RRAD: variants seen among roughly 807,000 people sequenced by gnomAD.
RRAD encodes GTP-binding protein RAD.
RRAD carries 15 observed loss-of-function variants against 24.7 expected under a neutral mutation model. That is an observed-to-expected ratio of 0.61 (90% confidence interval 0.41 to 0.93). RRAD has a LOEUF of 0.93. RRAD is among the 40% of genes least tolerant of loss of function. RRAD has a pLI of 0.00. For missense variants in RRAD, 438 were observed against 452.2 expected (o/e 0.97, Z 0.29); for synonymous variants, 180 against 189.8 (o/e 0.95, Z 0.43).
chr16:66,923,055 G>A lies in RRAD; in HGVS notation c.649+461C>T, dbSNP rs1962938972. ...TGATCCAGTGGACTGGGGTTGCGGAGGCAAGGTCACCAAGTCACTGCTGGG... is the reference window on the plus strand; with the variant it reads ...TGATCCAGTGGACTGGGGTTGCGGAAGCAAGGTCACCAAGTCACTGCTGGG... On this transcript the variant is annotated intron_variant, in intron 4 of 4. Transcript: ENST00000299759. This position sits in a 1 kb window ranked among gnomAD's most constrained non-coding sequence, Gnocchi z 4.9. Among the ~76,000 whole-genome samples the A allele has an allele frequency of 6.6e-6, 1 of 152,224 alleles. No homozygotes were observed. The highest frequency in any genetic ancestry group is 6.5e-5 in the Admixed American group (1 of 15,286).
In RRAD at chr16:66,923,010, C is replaced by T. The variant is rs1045029503; in HGVS notation, c.649+506G>A. 6.6e-6 allele frequency among the ~76,000 whole-genome samples: 1 copy of T among 152,162 alleles called. No individual in the cohort carries two copies. Reference sequence around the variant, plus strand: ...CCGCACAACTTAGTATTTTTTAATTCGAGGTTATATCATGATGAATGATCC... The same window carrying T: ...CCGCACAACTTAGTATTTTTTAATTTGAGGTTATATCATGATGAATGATCC... On this transcript the variant is annotated intron_variant, in intron 4 of 4. Transcript: ENST00000299759. The surrounding 1 kb of genome is among the most constrained non-coding windows in gnomAD (Gnocchi z 4.9).
chr16:66,922,544 A>G (rs4783744), intron 4 of RRAD, among the ~76,000 whole-genome samples, 191 bp from the exon 5 acceptor site: 111,449 of 152,162 alleles, frequency 0.73, 42,034 homozygotes, highest in African/African-American at 0.93. Flanking sequence ...GAGTGCCTGC[A>G]TTTAAGGAGC....
At position 66,925,320 on chromosome 16, in the gene RRAD, C is replaced by T. The variant is rs1489427803; in HGVS notation, c.-16+89G>A. On this transcript the variant is annotated intron_variant, in intron 1 of 4. Transcript: ENST00000299759. The surrounding 1 kb of genome is among the most constrained non-coding windows in gnomAD (Gnocchi z 5.2). ...GTCCCGCCGCAGCCCTCCCCCAGCC[C>T]CCAGGTCGCGGCGCCCTCACCCGGG... 5.5e-6 allele frequency: 5 copies of T among 907,436 alleles called. No individual in the cohort carries two copies. The East Asian group carries it at 1.1e-4, about 20-fold the overall frequency. 56.2% of individuals were successfully genotyped at this position (907,436 alleles called of 1,614,324 possible).
chr16:66,922,088 GAGGTCGTGGC>G lies in RRAD; in HGVS notation c.905_914del (p.Cys302SerfsTer?), dbSNP rs1381969698. 1 of 1,606,462 alleles carries G rather than the reference GAGGTCGTGGC, an allele frequency of 6.2e-7. No individual in the cohort carries two copies. The highest frequency in any genetic ancestry group is 1.3e-5 in the African/African-American group (1 of 74,960). Reference sequence around the variant, plus strand: ...GAGCGGGTGGGACCTAGAGAACCGAGAGGTCGTGGCAGGACTTGGATTTGGCGCGAAAGGC... The same window carrying G: ...GAGCGGGTGGGACCTAGAGAACCGAGAGGACTTGGATTTGGCGCGAAAGGC... On this transcript the variant is annotated frameshift_variant, in exon 5 of 5. Coordinates refer to ENST00000299759, the MANE Select transcript of RRAD (RefSeq NM_004165.3). LOFTEE classifies it high-confidence loss of function.
Position 66,925,099 on chromosome 16 carries a change from T to C in RRAD, c.81A>G (p.Thr27=). The change falls in exon 2 of 5, where the codon ACA becomes ACG. Residue 27 remains threonine, a synonymous_variant. Coordinates refer to ENST00000299759, the MANE Select transcript of RRAD (RefSeq NM_004165.3). The surrounding 1 kb of genome is among the most constrained non-coding windows in gnomAD (Gnocchi z 5.2). The part of the protein sequence containing the change: ...GQERERRRGS[T]PWGPAPPLHR... ...GCAGCGGCGGGGCGGGGCCCCAGGG[T>C]GTGCTGCCCCGACGGCGCTCGCGCT... 8.1e-7 allele frequency: 1 copy of C among 1,229,998 alleles called. No homozygotes were observed. Among genetic ancestry groups the C allele is most frequent in the Non-Finnish European group, 1.0e-6 (1 of 987,340 alleles). The allele number at this position is 1,229,998 out of a possible 1,614,324, so 76.2% of individuals were successfully genotyped here. A position where few individuals can be genotyped will look rare whatever the true frequency, so the allele number is the denominator to read the frequency against.
In RRAD at chr16:66,923,681, C is replaced by G. The variant is rs767962225; in HGVS notation, c.484G>C (p.Gly162Arg). 6.2e-7 allele frequency: 1 copy of G among 1,614,166 alleles called. No homozygotes were observed. Among genetic ancestry groups the G allele is most frequent in the Non-Finnish European group, 8.5e-7 (1 of 1,180,026 alleles). The change falls in exon 4 of 5, where the codon GGG (glycine) becomes CGG (arginine). Residue 162 changes from glycine (G) to arginine (R), a missense_variant. Transcript: ENST00000299759. This position sits in a 1 kb window ranked among gnomAD's most constrained non-coding sequence, Gnocchi z 4.9. ...RWLPGHCMAMGDAYVIVYSVT... is the reference protein window; with the variant it reads ...RWLPGHCMAMRDAYVIVYSVT... ...GAGTACACAATGACATAGGCATCCC[C>G]CATGGCCATGCAGTGGCCGGGCAAC...
rs1317617726 is a variant in RRAD, at chr16:66,923,713, C to T, written c.452G>A (p.Gly151Asp). The part of the protein sequence containing the change: ...MVYDIWEQDG[G>D]RWLPGHCMAM... ...CATGCAGTGGCCGGGCAACCAGCGG[C>T]CCCCGTCCTGGAGAACACACAACAC... is the stretch of plus-strand genomic sequence containing the variant. Residue 151 changes from glycine (G) to aspartate (D), a missense_variant, in exon 4 of 5, where the codon GGC becomes GAC. Transcript: ENST00000299759. The surrounding 1 kb of genome is among the most constrained non-coding windows in gnomAD (Gnocchi z 4.9). The T allele has an allele frequency of 2.5e-6, 4 of 1,613,898 alleles. No homozygotes were observed. The African/African-American group carries it at 4.0e-5, about 16-fold the overall frequency.
chr16:66,922,131 C>G lies in RRAD; in HGVS notation c.872G>C (p.Arg291Pro), dbSNP rs1461290254. The change falls in exon 5 of 5, where the codon CGC (arginine) becomes CCC (proline). Residue 291 changes from arginine (R) to proline (P), a missense_variant. Arg to Pro is a moderately radical substitution (Grantham distance 103). Transcript: ENST00000299759. ...FLGRIVARNSRKMAFRAKSKS... is the reference protein window; with the variant it reads ...FLGRIVARNSPKMAFRAKSKS... ...GGATTTGGCGCGAAAGGCCATCTTGCGGCTGTTACGAGCTACGATGCGGCC... is the reference window on the plus strand; with the variant it reads ...GGATTTGGCGCGAAAGGCCATCTTGGGGCTGTTACGAGCTACGATGCGGCC... 6.2e-7 allele frequency: 1 copy of G among 1,613,066 alleles called. No homozygotes were observed. The highest frequency in any genetic ancestry group is 8.5e-7 in the Non-Finnish European group (1 of 1,179,020).
At position 66,925,097 on chromosome 16, in the gene RRAD, G is replaced by A. The variant is rs1962978145; in HGVS notation, c.83C>T (p.Pro28Leu). 8.1e-7 allele frequency: 1 copy of A among 1,240,454 alleles called. No individual in the cohort carries two copies. The highest frequency in any genetic ancestry group is 1.0e-6 in the Non-Finnish European group (1 of 993,842). 76.8% of individuals were successfully genotyped at this position (1,240,454 alleles called of 1,614,324 possible). The stretch of plus-strand genomic sequence containing the variant: ...GTGCAGCGGCGGGGCGGGGCCCCAG[G>A]GTGTGCTGCCCCGACGGCGCTCGCG... Reference protein sequence around the residue: ...QERERRRGSTPWGPAPPLHRR... With the variant: ...QERERRRGSTLWGPAPPLHRR... Residue 28 changes from proline to leucine, a missense_variant, in exon 2 of 5, where the codon CCC becomes CTC. Pro to Leu is a moderately conservative substitution (Grantham distance 98). Coordinates refer to ENST00000299759, the MANE Select transcript of RRAD (RefSeq NM_004165.3). The surrounding 1 kb of genome is among the most constrained non-coding windows in gnomAD (Gnocchi z 5.2).
In RRAD at chr16:66,923,673, G is replaced by A; in HGVS notation, c.492C>T (p.Ala164=). 2 of 1,614,120 alleles carry A rather than the reference G, an allele frequency of 1.2e-6. No homozygotes were observed. The highest frequency in any genetic ancestry group is 8.5e-7 in the Non-Finnish European group (1 of 1,180,032). Residue 164 remains alanine (A), a synonymous_variant, in exon 4 of 5, where the codon GCC becomes GCT. Transcript: ENST00000299759. This position sits in a 1 kb window ranked among gnomAD's most constrained non-coding sequence, Gnocchi z 4.9. ...CCGTCACTGAGTACACAATGACATA[G>A]GCATCCCCCATGGCCATGCAGTGGC... ...LPGHCMAMGD[A]YVIVYSVTDK...
rs1169822456 is a variant in RRAD at position 66,922,031 on chromosome 16, C to A, written c.*45G>T. On this transcript the variant is annotated 3_prime_UTR_variant, in exon 5 of 5. Transcript: ENST00000299759. The stretch of plus-strand genomic sequence containing the variant: ...CGGGGCAGTTGGCTGGGCCAGCCCA[C>A]CAACCCTTCCGTTCGTCTCCCACCA... The A allele has an allele frequency of 1.9e-6, 3 of 1,558,506 alleles. No homozygotes were observed. In the African/African-American group the frequency reaches 4.1e-5, roughly 21 times the overall value.
At position 66,924,463 on chromosome 16, in the gene RRAD, C is replaced by G. The variant is rs1809056356; in HGVS notation, c.370+347G>C. Among the ~76,000 whole-genome samples the G allele has an allele frequency of 6.6e-6, 1 of 152,180 alleles. No homozygotes were observed. Among genetic ancestry groups the G allele is most frequent in the South Asian group, 2.1e-4 (1 of 4,812 alleles). On this transcript the variant is annotated intron_variant, in intron 2 of 4. Coordinates refer to ENST00000299759, the MANE Select transcript of RRAD (RefSeq NM_004165.3). This position sits in a 1 kb window ranked among gnomAD's most constrained non-coding sequence, Gnocchi z 4.2. ...GGGCGGATCACGAGGTCAGAAATTC[C>G]AGACCAGCCTGGCCAACATGGTGAA...
Position 66,925,072 on chromosome 16 carries a change from G to A in RRAD, c.108C>T (p.His36=), listed in dbSNP as rs909531301. Residue 36 remains histidine, a synonymous_variant, in exon 2 of 5, where the codon CAC becomes CAT. Coordinates refer to ENST00000299759, the MANE Select transcript of RRAD (RefSeq NM_004165.3). The surrounding 1 kb of genome is among the most constrained non-coding windows in gnomAD (Gnocchi z 5.2). The part of the protein sequence containing the change: ...STPWGPAPPL[H]RRSMPVDERD... ...GCTCGTCCACCGGCATGCTGCGGCG[G>A]TGCAGCGGCGGGGCGGGGCCCCAGG... 23 of 1,264,798 alleles carry A rather than the reference G, an allele frequency of 1.8e-5. No homozygotes were observed. Among genetic ancestry groups the A allele is most frequent in the Non-Finnish European group, 2.3e-5 (23 of 1,007,992 alleles). The allele number at this position is 1,264,798 out of a possible 1,614,324, so 78.3% of individuals were successfully genotyped here.
chr16:66,923,614 C>T lies in RRAD; in HGVS notation c.551G>A (p.Arg184Gln), dbSNP rs759559320. 18 of 1,613,862 alleles carry T rather than the reference C, an allele frequency of 1.1e-5. No homozygotes were observed. The highest frequency in any genetic ancestry group is 6.7e-5 in the East Asian group (3 of 44,874). Residue 184 changes from arginine (R) to glutamine (Q), a missense_variant, in exon 4 of 5, where the codon CGG (arginine) becomes CAG (glutamine). Physicochemically the swap from Arg to Gln is conservative, Grantham distance 43. Coordinates refer to ENST00000299759, the MANE Select transcript of RRAD (RefSeq NM_004165.3). This position sits in a 1 kb window ranked among gnomAD's most constrained non-coding sequence, Gnocchi z 4.9. ...KGSFEKASELRVQLRRARQTD... is the reference protein window; with the variant it reads ...KGSFEKASELQVQLRRARQTD... ...TTGCCGTGCACGCCGCAGCTGGACC[C>T]GCAGTTCTGAGGCCTTCTCGAAGCT... is the stretch of plus-strand genomic sequence containing the variant.
At position 66,922,222 on chromosome 16, in the gene RRAD, T is replaced by G; in HGVS notation, c.781A>C (p.Asn261His). ...IRLRRDSKEA[N>H]ARRQAGTRRR... Reference sequence around the variant, plus strand: ...CGGGTGCCTGCTTGCCGTCGTGCGTTGGCTTCTTTGCTGTCCCTGCGCAGG... The same window carrying G: ...CGGGTGCCTGCTTGCCGTCGTGCGTGGGCTTCTTTGCTGTCCCTGCGCAGG... Residue 261 changes from asparagine (N) to histidine (H), a missense_variant, in exon 5 of 5, where the codon AAC becomes CAC. Physicochemically the swap from Asn to His is moderately conservative, Grantham distance 68 (BLOSUM62 1). Transcript: ENST00000299759. 6.2e-7 allele frequency: 1 copy of G among 1,614,246 alleles called. No homozygotes were observed. Among genetic ancestry groups the G allele is most frequent in the Non-Finnish European group, 8.5e-7 (1 of 1,180,036 alleles).
At chr16:66,922,480 G>C (rs1962929992) in intron 4 of RRAD, 127 bp from the exon 5 acceptor site, 1 of 935,146 alleles carries the variant, frequency 1.1e-6, no homozygotes, top group Non-Finnish European at 1.6e-6. Flanking sequence ...AAAACACAGA[G>C]ACCCCAGCTC....
Position 66,923,550 on chromosome 16 carries a change from GC to G in RRAD, c.614del (p.Ser205ThrfsTer82). 1 of 1,610,858 alleles carries G rather than the reference GC, an allele frequency of 6.2e-7. No homozygotes were observed. Among genetic ancestry groups the G allele is most frequent in the Non-Finnish European group, 8.5e-7 (1 of 1,179,870 alleles). On this transcript the variant is annotated frameshift_variant, in exon 4 of 5. Transcript: ENST00000299759. LOFTEE classifies it high-confidence loss of function. The surrounding 1 kb of genome is among the most constrained non-coding windows in gnomAD (Gnocchi z 4.9). ...AGACCTCACGAGAGCGCACCAGGTC[GC>G]TCTTGTTGCCCACGAGGATGATGGG... Reference protein sequence around the residue: ...DVPIILVGNKSDLVRSREVSV... With the variant: ...DVPIILVGNKXDLVRSREVSV...
intron 4 of RRAD, among the ~76,000 whole-genome samples, chr16:66,922,559 A>C (rs551349904): frequency 6.6e-6 from 1 of 152,354 alleles, no homozygotes; most frequent in East Asian, 1.9e-4. Flanking sequence ...AGGAGCCCCC[A>C]AAACAGTGGC....
Position 66,922,080 on chromosome 16 carries a change from A to AG in RRAD, c.922dup (p.Leu308ProfsTer53), listed in dbSNP as rs760945899. The stretch of plus-strand genomic sequence containing the variant: ...CATAGTGGGAGCGGGTGGGACCTAG[A>AG]GAACCGAGAGGTCGTGGCAGGACTT... On this transcript the variant is annotated frameshift_variant, in exon 5 of 5. Transcript: ENST00000299759. LOFTEE classifies it high-confidence loss of function. 1 of 1,604,740 alleles carries AG rather than the reference A, an allele frequency of 6.2e-7. No homozygotes were observed. Among genetic ancestry groups the AG allele is most frequent in the African/African-American group, 1.3e-5 (1 of 74,784 alleles).
Sources: allele counts gnomAD v4.1 joint callset (sites outside exome capture counted in the v4.1 genomes callset), GRCh38; gene constraint gnomAD v4.1.1; non-coding constraint Gnocchi (gnomAD v3.1); transcripts MANE v1.5; gene names NCBI Gene and HGNC (gene_info 2026-07-23, HGNC 2026-07-21).